Variants in VWA3B observed in about 807,000 individuals in gnomAD.
The protein encoded by VWA3B is von Willebrand factor A domain-containing protein 3B.
A neutral mutation model predicts 158.3 loss-of-function variants in VWA3B; 138 were observed. The observed-to-expected ratio is 0.87, with a 90% CI of 0.76 to 1.00. VWA3B has a LOEUF of 1.00. Ranked by LOEUF, VWA3B falls within the 50% of genes least tolerant of loss-of-function variation. The pLI is 0.00. For synonymous variants in VWA3B, 596 were observed against 587.3 expected, an observed-to-expected ratio of 1.01 and a Z score of -0.21; for missense variants, 1,555 against 1,565.1, an observed-to-expected ratio of 0.99 and a Z score of 0.11.
intron 7 of VWA3B, among the ~76,000 whole-genome samples, chr2:98,153,440 G>C (rs1677800519): frequency 6.6e-6 from 1 of 152,072 alleles, no homozygotes; most frequent in Non-Finnish European, 1.5e-5. Context: ...TGTTGGTGGA[G>C]AAAAATGCAT....
At chr2:98,203,984 A>G (rs746529924) in intron 12 of VWA3B, among the ~76,000 whole-genome samples, 3 of 152,238 alleles carry the variant, frequency 2.0e-5, no homozygotes, top group Non-Finnish European at 2.9e-5. Context: ...TAGAATTTAC[A>G]TTTTGTTAGA....
At chr2:98,327,538 T>C in the VWA3B span, among the ~76,000 whole-genome samples, 1 of 152,236 alleles carries the variant, frequency 6.6e-6, no homozygotes, top group Non-Finnish European at 1.5e-5. Flanking sequence ...CAAAACTCTA[T>C]GTAATTCAGT....
intron 6 of VWA3B, 63 bp from the exon 7 acceptor site, chr2:98,133,761 A>G (rs1362875606): frequency 8.5e-6 from 12 of 1,416,628 alleles, no homozygotes; most frequent in Non-Finnish European, 1.1e-5. Context: ...TCCCAGGAGA[A>G]GGAACAAGCA....
chr2:98,300,311 C>G, intron 25 of VWA3B, 95 bp downstream of exon 25: 2 of 1,537,032 alleles, frequency 1.3e-6, no homozygotes, highest in Non-Finnish European at 1.8e-6. Flanking sequence ...GTTTCCCTGG[C>G]TGCATCTGCT....
In VWA3B at chr2:98,121,474, T is replaced by G. The variant is rs139800436; in HGVS notation, c.702+16T>G. The G allele has an allele frequency of 1.9e-6, 3 of 1,609,066 alleles. No individual in the cohort carries two copies. The highest frequency in any genetic ancestry group is 2.5e-6 in the Non-Finnish European group (3 of 1,176,684). ...AGACAAGACTGTAAGTGCGTGTTCA[T>G]GGCTGGCCCCAGGCCATGGAGGTGG... On this transcript the variant is annotated intron_variant, in intron 5 of 27. Coordinates refer to ENST00000477737, the MANE Select transcript of VWA3B (RefSeq NM_144992.5).
intron 19 of VWA3B, among the ~76,000 whole-genome samples, chr2:98,238,685 A>C (rs1685868911): frequency 1.3e-5 from 2 of 152,200 alleles, no homozygotes; most frequent in Admixed American, 1.3e-4. Context: ...TTGCTTAAAA[A>C]CATGTAAATA....
intron 19 of VWA3B, among the ~76,000 whole-genome samples, chr2:98,238,374 G>A (rs1685844268): frequency 6.6e-6 from 1 of 152,168 alleles, no homozygotes; most frequent in Admixed American, 6.5e-5. Context: ...GAAGCAACAG[G>A]GAGAAACTGA....
chr2:98,206,978 C>T, intron 12 of VWA3B: 1 of 485,162 alleles, frequency 2.1e-6, no homozygotes, highest in Non-Finnish European at 4.1e-6. Flanking sequence ...CCACATGCTA[C>T]TCATGCCCAG....
intron 8 of VWA3B, chr2:98,179,278 A>G (rs1238551843): frequency 2.1e-6 from 1 of 471,022 alleles, no homozygotes; most frequent in Non-Finnish European, 4.4e-6. Context: ...CTGGAAAAAT[A>G]GTTTTCTGCT....
chr2:98,123,341 G>A (rs1219646511), intron 5 of VWA3B, among the ~76,000 whole-genome samples: 1 of 152,230 alleles, frequency 6.6e-6, no homozygotes, highest in African/African-American at 2.4e-5. Context: ...GCATTGTCTT[G>A]TGCCCACAAA....
chr2:98,204,066 A>AT (rs1344250735), intron 12 of VWA3B, among the ~76,000 whole-genome samples: 1 of 152,230 alleles, frequency 6.6e-6, no homozygotes, highest in Non-Finnish European at 1.5e-5. Flanking sequence ...ATACTATGCC[A>AT]TTTTATACGA....
At chr2:98,227,653 C>T (rs931291340) in intron 14 of VWA3B, among the ~76,000 whole-genome samples, 2 of 152,038 alleles carry the variant, frequency 1.3e-5, no homozygotes, top group East Asian at 3.8e-4. Context: ...AGAGTAATTT[C>T]TGTGTGATTC....
intron 21 of VWA3B, chr2:98,269,463 C>A (rs1176807169): frequency 6.6e-6 from 1 of 152,208 alleles, no homozygotes; most frequent in East Asian, 1.9e-4. Flanking sequence ...GCAAAATATG[C>A]CACTGTTCTC....
chr2:98,327,800 A>G, the VWA3B span, among the ~76,000 whole-genome samples: 7 of 152,136 alleles, frequency 4.6e-5, no homozygotes, highest in African/African-American at 1.7e-4. Context: ...TGCACATCCA[A>G]TTATTCTTAA....
At chr2:98,249,035 A>G (rs1290673642) in intron 19 of VWA3B, among the ~76,000 whole-genome samples, 7 of 152,100 alleles carry the variant, frequency 4.6e-5, no homozygotes, top group Non-Finnish European at 1.0e-4. Context: ...ACCTCAATTA[A>G]AATTAAAAAT....
intron 2 of VWA3B, 42 bp from the exon 3 acceptor site, chr2:98,115,610 C>A: frequency 6.8e-7 from 1 of 1,478,676 alleles, no homozygotes. Flanking sequence ...AAGGTTCACT[C>A]ATGTACTACT....
intron 15 of VWA3B, among the ~76,000 whole-genome samples, chr2:98,229,419 C>G (rs965661488): frequency 1.3e-5 from 2 of 152,194 alleles, no homozygotes; most frequent in Non-Finnish European, 2.9e-5. Flanking sequence ...GCACACGTCA[C>G]AGTGTTGGAG....
chr2:98,150,780 C>T (rs1307755772), intron 7 of VWA3B, among the ~76,000 whole-genome samples: 1 of 152,160 alleles, frequency 6.6e-6, no homozygotes, highest in Non-Finnish European at 1.5e-5. Context: ...GATTCATCTC[C>T]GCACCATCCT....
Position 98,256,142 on chromosome 2 carries a change from T to G in VWA3B, c.2811T>G (p.Val937=). The change falls in exon 21 of 28, where the codon GTT becomes GTG. Residue 937 remains valine (V), a synonymous_variant. Coordinates refer to ENST00000477737, the MANE Select transcript of VWA3B (RefSeq NM_144992.5). ...QSYEKRLNKI[V]WRALSQEEKE... Reference sequence around the variant, plus strand: ...TTAACAGGCGCTTGAATAAAATTGTTTGGCGAGCATTATCTCAAGAGGAAA... The same window carrying G: ...TTAACAGGCGCTTGAATAAAATTGTGTGGCGAGCATTATCTCAAGAGGAAA... 1 of 1,613,688 alleles carries G rather than the reference T, an allele frequency of 6.2e-7. No individual in the cohort carries two copies. Among genetic ancestry groups the G allele is most frequent in the Non-Finnish European group, 8.5e-7 (1 of 1,179,940 alleles).
Sources: allele counts gnomAD v4.1 joint callset (sites outside exome capture counted in the v4.1 genomes callset), GRCh38; gene constraint gnomAD v4.1.1; transcripts MANE v1.5; gene names NCBI Gene and HGNC (gene_info 2026-07-23, HGNC 2026-07-21).